Variants in LRCH1 observed in about 807,000 individuals in gnomAD.
LRCH1 encodes the protein leucine-rich repeat and calponin homology domain-containing protein 1.
In LRCH1, 23 loss-of-function variants were observed where a neutral mutation model predicts 94.9. That is an observed-to-expected ratio of 0.24 (90% CI 0.17 to 0.34). LRCH1 has a LOEUF of 0.34. Among genes scored for constraint, LRCH1 ranks in the 10% least tolerant of loss-of-function variants. The pLI is 1.00. For missense variants in LRCH1, 790 were observed against 945.9 expected (o/e 0.84, Z 2.16); for synonymous variants, 364 against 354.9 (o/e 1.03, Z -0.29).
intron 1 of LRCH1, among the ~76,000 whole-genome samples, chr13:46,626,091 G>A (rs1371450298): frequency 6.6e-6 from 1 of 152,088 alleles, no homozygotes; most frequent in Non-Finnish European, 1.5e-5. Context: ...ATGTTTTTAT[G>A]TTTCTTTTTA....
At chr13:46,694,303 C>T (rs2138166199) in intron 8 of LRCH1, among the ~76,000 whole-genome samples, 1 of 152,272 alleles carries the variant, frequency 6.6e-6, no homozygotes, top group East Asian at 1.9e-4. Flanking sequence ...TTTTGCTCCC[C>T]CACCTCCCCT....
downstream of LRCH1, among the ~76,000 whole-genome samples, chr13:46,746,646 A>AC (rs1166557446): frequency 6.6e-6 from 1 of 152,228 alleles, no homozygotes; most frequent in Admixed American, 6.5e-5. Flanking sequence ...ATATAAAGGT[A>AC]CAGCTGTCTC....
At chr13:46,719,517 A>G (rs1322124329) in intron 16 of LRCH1, among the ~76,000 whole-genome samples, 5 of 152,218 alleles carry the variant, frequency 3.3e-5, no homozygotes, top group Non-Finnish European at 7.3e-5. Flanking sequence ...CTCCCAGCTC[A>G]GAGATGAGGA....
chr13:46,595,596 A>G (rs1388334518), intron 1 of LRCH1, among the ~76,000 whole-genome samples: 2 of 152,184 alleles, frequency 1.3e-5, no homozygotes, highest in Non-Finnish European at 2.9e-5. Flanking sequence ...TTAAACTTCC[A>G]TCTACCTTTA....
intron 1 of LRCH1, among the ~76,000 whole-genome samples, chr13:46,637,966 C>T (rs565657506): frequency 3.2e-4 from 48 of 152,228 alleles, no homozygotes; most frequent in Non-Finnish European, 5.3e-4. Context: ...TAATTGCCCA[C>T]TTCAGCCTCC....
chr13:46,623,516 C>T lies in LRCH1; in HGVS notation c.308-26685C>T, dbSNP rs530808372. Among the ~76,000 whole-genome samples, 6 of 152,076 alleles carry T rather than the reference C, an allele frequency of 3.9e-5. No individual in the cohort carries two copies. The South Asian group carries it at 1.2e-3, about 32-fold the overall frequency. ...GCTTCCTTTATAAAGTCTACTCATC[C>T]TTGGAGGGTCGCTTTTTGGTGCTTT... On this transcript the variant is annotated intron_variant, in intron 1 of 19. Coordinates refer to ENST00000389797, the MANE Select transcript of LRCH1 (RefSeq NM_001164211.2).
chr13:46,667,666 CA>C, intron 2 of LRCH1, among the ~76,000 whole-genome samples: 1 of 151,930 alleles, frequency 6.6e-6, no homozygotes, highest in South Asian at 2.1e-4. Context: ...CCCTAGAACT[CA>C]AAGTATAATT....
At chr13:46,570,582 G>T (rs911890517) in intron 1 of LRCH1, among the ~76,000 whole-genome samples, 5 of 152,222 alleles carry the variant, frequency 3.3e-5, no homozygotes, top group Admixed American at 6.5e-5. Flanking sequence ...GCATGGCCTA[G>T]CATAGAGCTG....
chr13:46,560,969 T>C (rs554945185), intron 1 of LRCH1, among the ~76,000 whole-genome samples: 2 of 152,318 alleles, frequency 1.3e-5, no homozygotes, highest in East Asian at 3.9e-4. Context: ...ACTGTGAGAA[T>C]TGGGGCTTCC....
chr13:46,646,785 CCT>C (rs1337094097), intron 1 of LRCH1, among the ~76,000 whole-genome samples: 2 of 151,964 alleles, frequency 1.3e-5, no homozygotes, highest in African/African-American at 4.8e-5. Flanking sequence ...CTTAACCAGT[CCT>C]CTATTTTATT....
At chr13:46,727,628 G>A (rs1379146781) in intron 17 of LRCH1, among the ~76,000 whole-genome samples, 1 of 152,092 alleles carries the variant, frequency 6.6e-6, no homozygotes, top group Non-Finnish European at 1.5e-5. Context: ...TCAGCCTCCT[G>A]AGTAGCTGGG....
At chr13:46,688,211 C>A (rs1046248537) in intron 6 of LRCH1, among the ~76,000 whole-genome samples, 3 of 152,186 alleles carry the variant, frequency 2.0e-5, no homozygotes, top group Non-Finnish European at 4.4e-5. Context: ...TGGTATATCT[C>A]AAATATCATC....
Position 46,553,541 on chromosome 13 carries a change from G to T in LRCH1, c.145G>T (p.Gly49Cys). 6.5e-7 allele frequency: 1 copy of T among 1,546,400 alleles called. No individual in the cohort carries two copies. The highest frequency in any genetic ancestry group is 8.7e-7 in the Non-Finnish European group (1 of 1,144,574). Residue 49 changes from glycine to cysteine, a missense_variant, in exon 1 of 20, where the codon GGC (glycine) becomes TGC (cysteine). Gly to Cys is a radical substitution (Grantham distance 159, BLOSUM62 -3). Around this residue, in one of 3 missense-constraint regions of LRCH1, gnomAD observed 136 missense variants for 143.5 expected, o/e 0.95. Transcript: ENST00000389797. Reference sequence around the variant, plus strand: ...CGCCCCCGGCGGGGCGGGTGGTGGCGGCGGTGGCAGCGGGGGCTTCAACCT... The same window carrying T: ...CGCCCCCGGCGGGGCGGGTGGTGGCTGCGGTGGCAGCGGGGGCTTCAACCT... Reference protein sequence around the residue: ...TGAPGGAGGGGGGSGGFNLPL... With the variant: ...TGAPGGAGGGCGGSGGFNLPL...
chr13:46,700,163 A>G (rs1871390629), intron 10 of LRCH1, among the ~76,000 whole-genome samples: 1 of 152,194 alleles, frequency 6.6e-6, no homozygotes, highest in South Asian at 2.1e-4. Context: ...TGTGTGACAT[A>G]GAGTATAGTT....
At chr13:46,583,468 T>C (rs2137946071) in intron 1 of LRCH1, among the ~76,000 whole-genome samples, 1 of 152,362 alleles carries the variant, frequency 6.6e-6, no homozygotes, top group Non-Finnish European at 1.5e-5. Context: ...CCTATTCTCT[T>C]GCTCTTTAAC....
rs147518759 is a variant in LRCH1, at chr13:46,679,997, A to C, written c.580-1744A>C. Reference sequence around the variant, plus strand: ...GTGTTCACTGGATTGGTCGATGATGAGTTCATCTTATTTGAATGAAAGTGA... The same window carrying C: ...GTGTTCACTGGATTGGTCGATGATGCGTTCATCTTATTTGAATGAAAGTGA... On this transcript the variant is annotated intron_variant, in intron 3 of 19. Coordinates refer to ENST00000389797, the MANE Select transcript of LRCH1 (RefSeq NM_001164211.2). 3 of 152,342 alleles carry C rather than the reference A, an allele frequency of 2.0e-5. No individual in the cohort carries two copies. The East Asian group carries it at 5.8e-4, about 29-fold the overall frequency. 9.4% of individuals were successfully genotyped at this position (152,342 alleles called of 1,614,324 possible).
chr13:46,687,255 A>G (rs842376), intron 5 of LRCH1, among the ~76,000 whole-genome samples: 123,054 of 152,112 alleles, frequency 0.81, 50,172 homozygotes, highest in East Asian at 0.92. Flanking sequence ...CACTGCTCCC[A>G]ACCATATATT....
exon 19 of LRCH1, chr13:46,750,811 T>A (rs533584024): frequency 8.2e-5 from 44 of 537,084 alleles, no homozygotes; most frequent in African/African-American, 7.3e-4. Context: ...ATTTTCTACC[T>A]TTCAGAGCTG....
At chr13:46,584,198 A>G (rs2050405435) in intron 1 of LRCH1, among the ~76,000 whole-genome samples, 1 of 152,170 alleles carries the variant, frequency 6.6e-6, no homozygotes. Flanking sequence ...AGTTTAGTTC[A>G]TGGTGGCTTT....
Sources: gnomAD v4.1 joint callset for allele counts (sites outside exome capture counted in the v4.1 genomes callset) on GRCh38, gnomAD v4.1.1 for gene constraint, gnomAD v4.1.1 regional missense constraint, MANE v1.5 for transcripts, NCBI Gene and HGNC (gene_info 2026-07-23, HGNC 2026-07-21) for gene names.